Variants in CRYZL1 observed in about 807,000 individuals in gnomAD.
CRYZL1 encodes the protein crystallin zeta like 1.
CRYZL1 carries 34 observed loss-of-function variants against 50.6 expected under a neutral mutation model. The ratio of observed to expected loss-of-function variants is 0.67; its 90% confidence interval spans 0.51 to 0.89. CRYZL1 has a LOEUF of 0.89. Ranked by LOEUF, CRYZL1 falls within the 40% of genes least tolerant of loss-of-function variation. CRYZL1 has a pLI of 0.00. For missense variants in CRYZL1, 354 were observed against 402.3 expected, an observed-to-expected ratio of 0.88 and a Z score of 1.03; for synonymous variants, 125 against 134.3, an observed-to-expected ratio of 0.93 and a Z score of 0.48.
At chr21:33,630,589 TA>T (rs533376675) in intron 2 of CRYZL1, among the ~76,000 whole-genome samples, 6,331 of 133,952 alleles carry the variant, frequency 0.047, 173 homozygotes, top group Admixed American at 0.11. Flanking sequence ...CTGTCGCAAT[TA>T]AAAAAAAAAA....
chr21:33,600,273 T>C (rs1476729753), intron 8 of CRYZL1, among the ~76,000 whole-genome samples: 1 of 152,206 alleles, frequency 6.6e-6, no homozygotes, highest in African/African-American at 2.4e-5. Flanking sequence ...GCATGATTTT[T>C]AGGCAAGTCA....
intron 1 of CRYZL1, among the ~76,000 whole-genome samples, chr21:33,632,451 C>T (rs2087151704): frequency 6.6e-6 from 1 of 151,898 alleles, no homozygotes; most frequent in Non-Finnish European, 1.5e-5. Flanking sequence ...GATCTTGGCT[C>T]ACTGCAACCT....
chr21:33,601,210 T>G (rs997745982), intron 8 of CRYZL1, among the ~76,000 whole-genome samples: 1 of 152,146 alleles, frequency 6.6e-6, no homozygotes, highest in African/African-American at 2.4e-5. Context: ...GTGCTGGGAT[T>G]GCAGATGTGA....
chr21:33,615,292 C>T (rs2145939852), intron 5 of CRYZL1, among the ~76,000 whole-genome samples: 1 of 151,844 alleles, frequency 6.6e-6, no homozygotes, highest in African/African-American at 2.4e-5. Flanking sequence ...GCTGGGACCA[C>T]AGGTGTGTGC....
At chr21:33,631,185 T>C (rs1275085430) in intron 2 of CRYZL1, among the ~76,000 whole-genome samples, 1 of 152,248 alleles carries the variant, frequency 6.6e-6, no homozygotes, top group Non-Finnish European at 1.5e-5. Flanking sequence ...TACTGATAGA[T>C]ATGCTAATTA....
In CRYZL1 at chr21:33,630,547, C is replaced by T. The variant is rs531847076; in HGVS notation, c.66+939G>A. ...GTTGCAGTGAGGTGGGATGGCACCA[C>T]TGCCCTCCAGCCTGGGCAACAGAGT... On this transcript the variant is annotated intron_variant, in intron 2 of 12. Transcript: ENST00000381554. Among the ~76,000 whole-genome samples the T allele has an allele frequency of 2.4e-3, 359 of 151,736 alleles. 1 individual carries two copies. Among genetic ancestry groups the T allele is most frequent in the Non-Finnish European group, 3.9e-3 (262 of 67,934 alleles).
chr21:33,602,517 T>A (rs2086767404), intron 7 of CRYZL1, among the ~76,000 whole-genome samples, 172 bp from the exon 8 acceptor site: 1 of 152,158 alleles, frequency 6.6e-6, no homozygotes, highest in Non-Finnish European at 1.5e-5. Context: ...ATAGGGGAAA[T>A]ATTTGATTGA....
chr21:33,616,810 T>A, intron 4 of CRYZL1, 60 bp from the exon 5 acceptor site: 1 of 1,354,840 alleles, frequency 7.4e-7, no homozygotes, highest in South Asian at 1.5e-5. Context: ...AATTCTTATC[T>A]ATTAAAATAC....
chr21:33,603,970 T>C (rs2086783163), intron 6 of CRYZL1, among the ~76,000 whole-genome samples: 1 of 152,178 alleles, frequency 6.6e-6, no homozygotes, highest in Non-Finnish European at 1.5e-5. Flanking sequence ...TACAATTTCC[T>C]GGCCTGGCGT....
At chr21:33,611,325 A>T (rs145024188) in intron 6 of CRYZL1, among the ~76,000 whole-genome samples, 2,678 of 152,332 alleles carry the variant, frequency 0.018, 47 homozygotes, top group South Asian at 0.044. Flanking sequence ...ACTAGGCTTC[A>T]TGTACGTTCC....
intron 3 of CRYZL1, among the ~76,000 whole-genome samples, chr21:33,624,022 C>T (rs2087031906): frequency 6.6e-6 from 1 of 151,844 alleles, no homozygotes; most frequent in East Asian, 1.9e-4. Flanking sequence ...TTTCTAGTTT[C>T]TATTTTATTA....
At chr21:33,637,441 T>C (rs1255013981) in intron 1 of CRYZL1, among the ~76,000 whole-genome samples, 1 of 140,456 alleles carries the variant, frequency 7.1e-6, no homozygotes, top group African/African-American at 2.7e-5. Context: ...CGAGACTCTG[T>C]CTCAAAAAAA....
At chr21:33,595,238 A>AT (rs1460073482) in intron 11 of CRYZL1, 4 of 1,016,964 alleles carry the variant, frequency 3.9e-6, no homozygotes, top group Non-Finnish European at 3.8e-6. Context: ...ACCTATCTTC[A>AT]TTTGATAAAG....
intron 1 of CRYZL1, chr21:33,641,070 G>A: frequency 6.7e-7 from 1 of 1,498,682 alleles, no homozygotes; most frequent in Non-Finnish European, 8.9e-7. Flanking sequence ...GTACTGGACA[G>A]AGTTCAGGTA....
At chr21:33,641,127 A>G (rs1377531631) in intron 1 of CRYZL1, 2 of 1,548,050 alleles carry the variant, frequency 1.3e-6, no homozygotes, top group Non-Finnish European at 1.7e-6. Context: ...GGAGCTTCTT[A>G]GAAACGCAGA....
At chr21:33,591,049 A>C (rs926199446) in intron 12 of CRYZL1, 113 bp downstream of exon 12, 1 of 763,622 alleles carries the variant, frequency 1.3e-6, no homozygotes, top group African/African-American at 1.7e-5. Flanking sequence ...TAATAATAAA[A>C]TATGGAGGCA....
At chr21:33,624,260 T>C (rs1202408431) in intron 3 of CRYZL1, among the ~76,000 whole-genome samples, 2 of 152,124 alleles carry the variant, frequency 1.3e-5, no homozygotes, top group African/African-American at 4.8e-5. Context: ...ATTCTAAAGA[T>C]GGTAGGCTGG....
intron 1 of CRYZL1, among the ~76,000 whole-genome samples, chr21:33,637,715 T>G (rs550697513): frequency 7.2e-4 from 108 of 148,996 alleles, no homozygotes; most frequent in African/African-American, 2.6e-3. Flanking sequence ...ACCTTCATTT[T>G]TAAGGAAAGC....
At chr21:33,638,210 CTT>C (rs569863892) in intron 1 of CRYZL1, among the ~76,000 whole-genome samples, 129 of 126,784 alleles carry the variant, frequency 1.0e-3, no homozygotes, top group Admixed American at 2.1e-3. Context: ...GTCAGGTCTG[CTT>C]TTTTTTTTTT....
Sources: allele counts gnomAD v4.1 joint callset (sites outside exome capture counted in the v4.1 genomes callset), GRCh38; gene constraint gnomAD v4.1.1; transcripts MANE v1.5; gene names NCBI Gene and HGNC (gene_info 2026-07-23, HGNC 2026-07-21).